Variants in RPIA observed in about 807,000 individuals in gnomAD.
RPIA encodes ribose 5-phosphate isomerase A, also known as ribose-5-phosphate isomerase.
Under a neutral mutation model 37.8 loss-of-function variants are expected in RPIA, and 29 were observed. The ratio of observed to expected loss-of-function variants is 0.77; its 90% CI spans 0.57 to 1.05. RPIA has a LOEUF of 1.05. Among genes scored for constraint, RPIA ranks in the 50% least tolerant of loss-of-function variants. The probability of loss-of-function intolerance (pLI) is 0.00; values close to 1 mark genes in which losing one functional copy is unlikely to be tolerated. For missense variants in RPIA, 385 were observed against 413.6 expected, an observed-to-expected ratio of 0.93 and a Z score of 0.60; for synonymous variants, 167 against 157.0, an observed-to-expected ratio of 1.06 and a Z score of -0.48.
intron 8 of RPIA, among the ~76,000 whole-genome samples, chr2:88,745,006 G>A (rs570968054): frequency 9.2e-5 from 14 of 152,240 alleles, no homozygotes; most frequent in Admixed American, 5.9e-4. Flanking sequence ...TGCCCAGGCT[G>A]GAGTGCAATG....
At chr2:88,708,620 T>A (rs1287823800) in intron 3 of RPIA, among the ~76,000 whole-genome samples, 1 of 152,228 alleles carries the variant, frequency 6.6e-6, no homozygotes, top group East Asian at 1.9e-4. Flanking sequence ...CTGTCCTGTT[T>A]CATAGGTTGA....
chr2:88,710,940 G>A (rs927359655), intron 3 of RPIA, among the ~76,000 whole-genome samples: 2 of 152,164 alleles, frequency 1.3e-5, no homozygotes, highest in African/African-American at 2.4e-5. Flanking sequence ...GGAGAAACTC[G>A]CCTGCTGAAG....
chr2:88,750,758 C>G lies in RPIA; in HGVS notation c.*680C>G, dbSNP rs1397928240. 1 of 398,734 alleles carries G rather than the reference C, an allele frequency of 2.5e-6. No homozygotes were observed. The highest frequency in any genetic ancestry group is 2.1e-5 in the African/African-American group (1 of 48,638). 24.7% of individuals were successfully genotyped at this position (398,734 alleles called of 1,614,324 possible). On this transcript the variant is annotated 3_prime_UTR_variant, in exon 9 of 9. Transcript: ENST00000283646. Reference sequence around the variant, plus strand: ...AGTTGACCAGAAATGCTTGCCAGTACTGCCAAAGCACTGCTGTGAAATGTG... The same window carrying G: ...AGTTGACCAGAAATGCTTGCCAGTAGTGCCAAAGCACTGCTGTGAAATGTG...
At chr2:88,716,210 T>C (rs910976385) in intron 3 of RPIA, among the ~76,000 whole-genome samples, 18 of 152,140 alleles carry the variant, frequency 1.2e-4, no homozygotes, top group Non-Finnish European at 2.5e-4. Flanking sequence ...ATGCAGTCTT[T>C]TGTCTATTAT....
chr2:88,721,558 CACACACACA>C (rs1558694709), intron 3 of RPIA, among the ~76,000 whole-genome samples: 4 of 66,194 alleles, frequency 6.0e-5, no homozygotes, highest in African/African-American at 2.1e-4. Context: ...CACACACACA[CACACACACA>C]CACACCCCCC....
chr2:88,726,140 C>T (rs953618724), intron 3 of RPIA, among the ~76,000 whole-genome samples: 4 of 152,068 alleles, frequency 2.6e-5, no homozygotes, highest in Admixed American at 6.5e-5. Context: ...TCACAGTGGG[C>T]CCCCCAGCTG....
chr2:88,725,418 T>C (rs1371544279), intron 3 of RPIA, among the ~76,000 whole-genome samples: 1 of 151,902 alleles, frequency 6.6e-6, no homozygotes, highest in Non-Finnish European at 1.5e-5. Flanking sequence ...GTTGGCAGAA[T>C]TGGTTCTCTG....
chr2:88,733,607 A>G (rs1315105417), intron 4 of RPIA, among the ~76,000 whole-genome samples: 1 of 152,178 alleles, frequency 6.6e-6, no homozygotes, highest in African/African-American at 2.4e-5. Context: ...TGGGGAGAGC[A>G]GTGCCTGCTG....
At chr2:88,745,278 C>T (rs1026188634) in intron 8 of RPIA, among the ~76,000 whole-genome samples, 19 of 152,068 alleles carry the variant, frequency 1.2e-4, no homozygotes, top group African/African-American at 1.7e-4. Flanking sequence ...TTACATTCAG[C>T]GTTAATATTG....
intron 3 of RPIA, among the ~76,000 whole-genome samples, chr2:88,724,589 G>A (rs1274905687): frequency 6.6e-6 from 1 of 152,140 alleles, no homozygotes; most frequent in Non-Finnish European, 1.5e-5. Context: ...GATTACAGGA[G>A]TGAACCACTG....
intron 3 of RPIA, among the ~76,000 whole-genome samples, chr2:88,717,618 G>T (rs1673052499): frequency 6.6e-6 from 1 of 152,188 alleles, no homozygotes; most frequent in East Asian, 1.9e-4. Flanking sequence ...GCCCTAAGCA[G>T]TTCCCAGCTT....
At chr2:88,700,990 A>G (rs1228198991) in intron 3 of RPIA, among the ~76,000 whole-genome samples, 1 of 152,038 alleles carries the variant, frequency 6.6e-6, no homozygotes, top group Non-Finnish European at 1.5e-5. Flanking sequence ...TTTCTTAGGA[A>G]ACCCTCCCAA....
chr2:88,718,466 A>G (rs1573468831), intron 3 of RPIA, among the ~76,000 whole-genome samples: 2 of 152,184 alleles, frequency 1.3e-5, no homozygotes, highest in African/African-American at 4.8e-5. Flanking sequence ...ATCAAATACT[A>G]TGAGTTGGGT....
At position 88,700,061 on chromosome 2, in the gene RPIA, C is replaced by A; in HGVS notation, c.399C>A (p.Phe133Leu). ...NLNLVCIPTS[F>L]QARQLILQYG... ...ACCTCGTCTGTATTCCCACTTCCTT[C>A]CAGGTATGTCCTGCTTTCCATCTGC... Residue 133 changes from phenylalanine (F) to leucine (L), a missense_variant, in exon 3 of 9, where the codon TTC becomes TTA. By Grantham distance (22) the Phe-to-Leu change is conservative. Transcript: ENST00000283646. 1 of 1,614,094 alleles carries A rather than the reference C, an allele frequency of 6.2e-7. No homozygotes were observed. The highest frequency in any genetic ancestry group is 8.5e-7 in the Non-Finnish European group (1 of 1,179,926).
intron 5 of RPIA, among the ~76,000 whole-genome samples, chr2:88,735,006 C>T (rs1311435484): frequency 6.6e-6 from 1 of 152,074 alleles, no homozygotes; most frequent in East Asian, 1.9e-4. Context: ...ATTATTTGTT[C>T]CTTTGGAAAA....
intron 3 of RPIA, among the ~76,000 whole-genome samples, chr2:88,717,670 T>C (rs1673053175): frequency 2.6e-5 from 4 of 151,980 alleles, no homozygotes; most frequent in Admixed American, 2.6e-4. Context: ...CTTTTACATT[T>C]CCCCCCTTTC....
At position 88,735,310 on chromosome 2, in the gene RPIA, G is replaced by T. The variant is rs559050839; in HGVS notation, c.528-359G>T. The stretch of plus-strand genomic sequence containing the variant: ...TCATCACCCTCATTGGCAAGTAGTC[G>T]ACTGGGCGGGTTGTTCAAAGCGTGC... On this transcript the variant is annotated intron_variant, in intron 5 of 8. Coordinates refer to ENST00000283646, the MANE Select transcript of RPIA (RefSeq NM_144563.3). Among the ~76,000 whole-genome samples the T allele has an allele frequency of 3.9e-5, 6 of 152,240 alleles. No homozygotes were observed. The South Asian group carries it at 1.2e-3, about 32-fold the overall frequency.
chr2:88,701,733 G>A (rs1455853115), intron 3 of RPIA, among the ~76,000 whole-genome samples: 1 of 96,676 alleles, frequency 1.0e-5, no homozygotes, highest in East Asian at 3.0e-4. Flanking sequence ...GTCCCTTTCT[G>A]TTGTAATTCA....
chr2:88,740,650 C>G (rs1325839677), intron 8 of RPIA, among the ~76,000 whole-genome samples: 1 of 152,172 alleles, frequency 6.6e-6, no homozygotes, highest in Non-Finnish European at 1.5e-5. Context: ...GTTCTTTCCC[C>G]TAGGTTCACA....
Sources: allele counts gnomAD v4.1 joint callset (sites outside exome capture counted in the v4.1 genomes callset), GRCh38; gene constraint gnomAD v4.1.1; transcripts MANE v1.5; gene names NCBI Gene and HGNC (gene_info 2026-07-23, HGNC 2026-07-21).